GRIN2D: variants seen among roughly 807,000 people sequenced by gnomAD.
GRIN2D encodes glutamate receptor ionotropic, NMDA 2D.
A neutral mutation model predicts 103.2 loss-of-function variants in GRIN2D; 37 were observed. That is an observed-to-expected ratio of 0.36 (90% CI 0.28 to 0.47). The LOEUF (loss-of-function observed/expected upper bound fraction) is 0.47. Ranked by LOEUF, GRIN2D falls within the 20% of genes least tolerant of loss-of-function variation. GRIN2D has a pLI of 1.00. For missense variants in GRIN2D, 1,557 were observed against 1,910.6 expected (o/e 0.81, Z 3.45); for synonymous variants, 845 against 885.6 (o/e 0.95, Z 0.81).
chr19:48,442,100 G>T lies in GRIN2D; in HGVS notation c.2441-50G>T. On this transcript the variant is annotated intron_variant, in intron 12 of 13. Coordinates refer to ENST00000263269, the MANE Select transcript of GRIN2D (RefSeq NM_000836.4). This position sits in a 1 kb window ranked among gnomAD's most constrained non-coding sequence, Gnocchi z 7.2. Reference sequence around the variant, plus strand: ...CCTACATTCCCACATCACAGACAAGGGTCCTCAGAGGGTACTCATAGCAGG... The same window carrying T: ...CCTACATTCCCACATCACAGACAAGTGTCCTCAGAGGGTACTCATAGCAGG... The T allele has an allele frequency of 6.4e-7, 1 of 1,560,470 alleles. No individual in the cohort carries two copies.
At chr19:48,397,948 C>A (rs1245816408) in intron 2 of GRIN2D, among the ~76,000 whole-genome samples, 1 of 151,832 alleles carries the variant, frequency 6.6e-6, no homozygotes, top group African/African-American at 2.4e-5. Flanking sequence ...CTCTGTCTCG[C>A]CCTATCTCTG....
rs1162089236 is a variant in GRIN2D at position 48,442,840 on chromosome 19, G to A, written c.2914G>A (p.Gly972Ser). The part of the protein sequence containing the change: ...HRYYGPIEPQ[G>S]LGLGLGEARA... ...CTACTACGGCCCCATCGAGCCGCAG[G>A]GCCTAGGCCTCGGCCTGGGCGAAGC... The change falls in exon 14 of 14, where the codon GGC (glycine) becomes AGC (serine). Residue 972 changes from glycine to serine, a missense_variant. Gly to Ser is a moderately conservative substitution (Grantham distance 56). Around this residue, in one of 7 missense-constraint regions of GRIN2D, gnomAD observed 632 missense variants for 572.8 expected, o/e 1.10. Transcript: ENST00000263269. The surrounding 1 kb of genome is among the most constrained non-coding windows in gnomAD (Gnocchi z 7.2). 6 of 1,078,412 alleles carry A rather than the reference G, an allele frequency of 5.6e-6. 1 individual carries two copies. The highest frequency in any genetic ancestry group is 5.1e-5 in the African/African-American group (3 of 58,738). The allele number at this position is 1,078,412 out of a possible 1,614,324, so 66.8% of individuals were successfully genotyped here. A position where few individuals can be genotyped will look rare whatever the true frequency, so the allele number is the denominator to read the frequency against.
intron 3 of GRIN2D, among the ~76,000 whole-genome samples, chr19:48,403,804 G>C (rs1354623336): frequency 6.6e-6 from 1 of 152,216 alleles, no homozygotes; most frequent in Non-Finnish European, 1.5e-5. Context: ...TGCCTTCAGG[G>C]AACCAGTCCC....
intron 11 of GRIN2D, among the ~76,000 whole-genome samples, chr19:48,433,518 G>A (rs1047998031): frequency 7.2e-5 from 11 of 152,168 alleles, no homozygotes; most frequent in African/African-American, 1.9e-4. Context: ...GGCTCTGGCC[G>A]GCTCGCAGGC....
chr19:48,395,708 G>A lies in GRIN2D; in HGVS notation c.-27+772G>A, dbSNP rs373488526. 1.1e-4 allele frequency among the ~76,000 whole-genome samples: 16 copies of A among 152,138 alleles called. No individual in the cohort carries two copies. The East Asian group carries it at 2.7e-3, about 26-fold the overall frequency. On this transcript the variant is annotated intron_variant, in intron 2 of 13. Transcript: ENST00000263269. ...AGGCTGTGCTATGTACAGGATCTAA[G>A]TGGGGTGACTAGGGAGGCCAGAGCT...
At chr19:48,428,279 T>C (rs1427218638) in intron 11 of GRIN2D, among the ~76,000 whole-genome samples, 2 of 151,536 alleles carry the variant, frequency 1.3e-5, no homozygotes, top group South Asian at 2.1e-4. Context: ...TCAGGTGATA[T>C]ACCCACCTCA....
At position 48,421,484 on chromosome 19, in the gene GRIN2D, C is replaced by G. The variant is rs1971022858; in HGVS notation, c.2092-301C>G. ...ATTGGTAAATAGCAACAGCTCCCAG[C>G]TCCTGCCATGCCAGCCTCTACTCCC... On this transcript the variant is annotated intron_variant, in intron 10 of 13. Coordinates refer to ENST00000263269, the MANE Select transcript of GRIN2D (RefSeq NM_000836.4). This position sits in a 1 kb window ranked among gnomAD's most constrained non-coding sequence, Gnocchi z 4.8. Among the ~76,000 whole-genome samples, 1 of 152,228 alleles carries G rather than the reference C, an allele frequency of 6.6e-6. No homozygotes were observed. Among genetic ancestry groups the G allele is most frequent in the African/African-American group, 2.4e-5 (1 of 41,552 alleles).
In GRIN2D at chr19:48,405,136, G is replaced by A; in HGVS notation, c.868G>A (p.Glu290Lys). The A allele has an allele frequency of 6.3e-7, 1 of 1,575,060 alleles. No homozygotes were observed. The highest frequency in any genetic ancestry group is 8.6e-7 in the Non-Finnish European group (1 of 1,161,322). The change falls in exon 4 of 14, where the codon GAG becomes AAG. Residue 290 changes from glutamate to lysine, a missense_variant. Glu to Lys is a moderately conservative substitution (Grantham distance 56, BLOSUM62 1). This residue lies in a region of GRIN2D where 490 missense variants were observed against 601.1 expected (regional missense o/e 0.82). Coordinates refer to ENST00000263269, the MANE Select transcript of GRIN2D (RefSeq NM_000836.4). This position sits in a 1 kb window ranked among gnomAD's most constrained non-coding sequence, Gnocchi z 5.1. ...AGGGGSGAPG[E>K]PPLLPGGAPL... ...AGGCGGGGGCTCTGGGGCCCCTGGT[G>A]AGCCCCCTCTTCTGCCAGGAGGCGC...
intron 11 of GRIN2D, among the ~76,000 whole-genome samples, chr19:48,431,992 A>T (rs1382285088): frequency 6.6e-6 from 1 of 151,638 alleles, no homozygotes; most frequent in African/African-American, 2.4e-5. Flanking sequence ...GGCTTACTGC[A>T]ACCTCTGCCT....
chr19:48,415,975 G>C (rs767352064), intron 7 of GRIN2D, 27 bp from the exon 8 acceptor site: 8 of 1,567,274 alleles, frequency 5.1e-6, no homozygotes, highest in Admixed American at 1.7e-5. Context: ...GGGTTCCCCC[G>C]CCCACTCCTC....
intron 11 of GRIN2D, among the ~76,000 whole-genome samples, chr19:48,431,490 A>C (rs1183976240): frequency 6.6e-6 from 1 of 151,906 alleles, no homozygotes; most frequent in Non-Finnish European, 1.5e-5. Context: ...ATCCAAGATC[A>C]TTCTGATTCC....
chr19:48,416,626 G>C (rs1970951645), intron 8 of GRIN2D, among the ~76,000 whole-genome samples: 1 of 152,140 alleles, frequency 6.6e-6, no homozygotes, highest in Non-Finnish European at 1.5e-5. Flanking sequence ...TGTGCCAGGT[G>C]GTGGGCTCCA....
At chr19:48,438,340 C>T (rs1971256022) in intron 11 of GRIN2D, among the ~76,000 whole-genome samples, 1 of 120,536 alleles carries the variant, frequency 8.3e-6, no homozygotes, top group Non-Finnish European at 1.6e-5. Flanking sequence ...GCTCTGTCGC[C>T]CAGGCTGGAG....
chr19:48,400,466 T>C (rs1266622529), intron 3 of GRIN2D, among the ~76,000 whole-genome samples: 1 of 152,208 alleles, frequency 6.6e-6, no homozygotes, highest in African/African-American at 2.4e-5. Context: ...GATTTGTAGG[T>C]AGATGCCCTG....
intron 11 of GRIN2D, among the ~76,000 whole-genome samples, chr19:48,427,304 G>C (rs1600987224): frequency 6.6e-6 from 1 of 151,748 alleles, no homozygotes; most frequent in African/African-American, 2.4e-5. Context: ...CTGGCTGACA[G>C]AGTGAGACTC....
At chr19:48,441,677 G>A (rs1971293170) in intron 11 of GRIN2D, 92 bp from the exon 12 acceptor site, 2 of 971,256 alleles carry the variant, frequency 2.1e-6, no homozygotes, top group South Asian at 1.6e-5. Flanking sequence ...AGGATTTGGA[G>A]CAGTTGGAGG....
chr19:48,402,530 A>T (rs1347699050), intron 3 of GRIN2D, among the ~76,000 whole-genome samples: 1 of 151,590 alleles, frequency 6.6e-6, no homozygotes, highest in Non-Finnish European at 1.5e-5. Flanking sequence ...ATCCTGGCTA[A>T]CAAGGTGAAA....
chr19:48,405,088 A>C lies in GRIN2D; in HGVS notation c.820A>C (p.Met274Leu). 2 of 1,599,124 alleles carry C rather than the reference A, an allele frequency of 1.3e-6. No homozygotes were observed. The highest frequency in any genetic ancestry group is 1.7e-6 in the Non-Finnish European group (2 of 1,172,282). The part of the protein sequence containing the change: ...GLTGSGYVWF[M>L]VGPQLAGGGG... ...CACTGGATCTGGCTACGTCTGGTTC[A>C]TGGTGGGGCCCCAGCTGGCTGGAGG... Residue 274 changes from methionine to leucine, a missense_variant, in exon 4 of 14, where the codon ATG becomes CTG. By Grantham distance (15) the Met-to-Leu change is conservative. Coordinates refer to ENST00000263269, the MANE Select transcript of GRIN2D (RefSeq NM_000836.4). This position sits in a 1 kb window ranked among gnomAD's most constrained non-coding sequence, Gnocchi z 5.1.
intron 3 of GRIN2D, among the ~76,000 whole-genome samples, chr19:48,400,669 T>G (rs900586849): frequency 3.9e-5 from 6 of 152,150 alleles, no homozygotes; most frequent in African/African-American, 1.4e-4. Context: ...GAAGAAAGAA[T>G]GATCTTCACA....
Sources: allele counts gnomAD v4.1 joint callset (sites outside exome capture counted in the v4.1 genomes callset), GRCh38; gene constraint gnomAD v4.1.1; regional missense constraint gnomAD v4.1.1; non-coding constraint Gnocchi (gnomAD v3.1); transcripts MANE v1.5; gene names NCBI Gene and HGNC (gene_info 2026-07-23, HGNC 2026-07-21).